Variants in TDRD1 observed in about 807,000 individuals in gnomAD.
The protein encoded by TDRD1 is tudor domain containing 1, also known as tudor domain-containing protein 1.
A neutral mutation model predicts 140.6 loss-of-function variants in TDRD1; 37 were observed. That is an observed-to-expected ratio of 0.26 (90% CI 0.20 to 0.35). The LOEUF (loss-of-function observed/expected upper bound fraction) is 0.35, where lower values mean the gene tolerates loss of function less well. Among genes scored for constraint, TDRD1 ranks in the 10% least tolerant of loss-of-function variants. The pLI is 1.00. For missense variants in TDRD1, 1,243 were observed against 1,393.0 expected (o/e 0.89, Z 1.71); for synonymous variants, 506 against 475.7 (o/e 1.06, Z -0.83).
chr10:114,183,164 C>T (rs992642486), intron 1 of TDRD1, among the ~76,000 whole-genome samples: 2 of 152,018 alleles, frequency 1.3e-5, no homozygotes, highest in African/African-American at 4.8e-5. Context: ...GGTATTGAGG[C>T]GCTGACTGTA....
intron 16 of TDRD1, among the ~76,000 whole-genome samples, 180 bp downstream of exon 16, chr10:114,214,294 T>TGGC (rs2035672164): frequency 6.6e-6 from 1 of 152,260 alleles, no homozygotes; most frequent in Non-Finnish European, 1.5e-5. Flanking sequence ...TAAGCCATTA[T>TGGC]TTCTATTTTC....
At chr10:114,188,217 A>C in intron 2 of TDRD1, 61 bp downstream of exon 2, 1 of 1,446,112 alleles carries the variant, frequency 6.9e-7, no homozygotes, top group Admixed American at 2.3e-5. Context: ...ACTTACCAGA[A>C]GTATATATAA....
intron 21 of TDRD1, among the ~76,000 whole-genome samples, chr10:114,225,346 C>T (rs150084383): frequency 1.3e-5 from 2 of 152,148 alleles, no homozygotes; most frequent in Non-Finnish European, 2.9e-5. Flanking sequence ...CCAACTCCAT[C>T]TTAACTCCTG....
intron 18 of TDRD1, among the ~76,000 whole-genome samples, chr10:114,219,183 G>A (rs1008529990): frequency 6.6e-6 from 1 of 152,150 alleles, no homozygotes; most frequent in South Asian, 2.1e-4. Context: ...GAAGAAAACA[G>A]GTTATAAAAG....
Position 114,223,752 on chromosome 10 carries a change from G to A in TDRD1, c.3007+1049G>A, listed in dbSNP as rs562856244. ...TACCTTCTCTTTTGCCACTTTTGTC[G>A]TTGTTAGTGTTCTATAGACTGTCAC... On this transcript the variant is annotated intron_variant, in intron 21 of 25. Transcript: ENST00000251864. Among the ~76,000 whole-genome samples, 12 of 152,198 alleles carry A rather than the reference G, an allele frequency of 7.9e-5. No homozygotes were observed. The East Asian group carries it at 9.7e-4, about 12-fold the overall frequency.
intron 10 of TDRD1, among the ~76,000 whole-genome samples, chr10:114,205,634 G>A (rs1385124113): frequency 1.3e-5 from 2 of 152,076 alleles, no homozygotes; most frequent in East Asian, 1.9e-4. Flanking sequence ...CAAATCTTTC[G>A]TGTTCTTCAG....
chr10:114,211,031 T>C (rs2035449819), intron 13 of TDRD1, 64 bp downstream of exon 13: 3 of 1,303,040 alleles, frequency 2.3e-6, no homozygotes. Flanking sequence ...TAGAATTGAG[T>C]AAAAACCATT....
upstream of TDRD1, among the ~76,000 whole-genome samples, chr10:114,176,697 C>A (rs1467515985): frequency 1.3e-5 from 2 of 152,168 alleles, no homozygotes; most frequent in Non-Finnish European, 2.9e-5. The surrounding 1 kb of genome is among the most constrained non-coding windows in gnomAD (Gnocchi z 4.2). Context: ...TGGCTTGAGT[C>A]CAGCAGTTCA....
rs185672953 is a variant in TDRD1 at position 114,207,796 on chromosome 10, C to G, written c.1384+1466C>G. On this transcript the variant is annotated intron_variant, in intron 11 of 25. Coordinates refer to ENST00000251864, the Ensembl canonical transcript of TDRD1. ...GGGGAGTCATCAGTAATATCAGATG[C>G]TATGAAGGTATCCAGTGGAAGGAAC... 1.5e-3 allele frequency among the ~76,000 whole-genome samples: 229 copies of G among 152,082 alleles called. 2 individuals carry two copies. Among genetic ancestry groups the G allele is most frequent in the Non-Finnish European group, 2.6e-3 (180 of 68,012 alleles).
intron 19 of TDRD1, 144 bp downstream of exon 19, chr10:114,220,987 T>C (rs1371262413): frequency 3.3e-6 from 2 of 605,450 alleles, no homozygotes; most frequent in South Asian, 2.2e-5. Flanking sequence ...TGTATTATTA[T>C]TAAATTATTG....
At chr10:114,227,232 T>C (rs143288466) in exon 23 of TDRD1, 227 of 1,614,110 alleles carry the variant, frequency 1.4e-4, no homozygotes, top group Admixed American at 3.2e-4. Context: ...TCGATGTAGC[T>C]GATAAGCTAG....
chr10:114,232,496 T>G (rs1449382934), downstream of TDRD1, among the ~76,000 whole-genome samples: 1 of 149,288 alleles, frequency 6.7e-6, no homozygotes, highest in African/African-American at 2.5e-5. Flanking sequence ...CAGCAGATAC[T>G]TGAAAGACTT....
chr10:114,192,620 A>T (rs1397438581), intron 3 of TDRD1, among the ~76,000 whole-genome samples: 1 of 151,972 alleles, frequency 6.6e-6, no homozygotes, highest in African/African-American at 2.4e-5. Context: ...CTTACATTTA[A>T]GTTTTGATCC....
intron 11 of TDRD1, among the ~76,000 whole-genome samples, chr10:114,207,447 A>G (rs763423710): frequency 1.3e-5 from 2 of 152,178 alleles, no homozygotes; most frequent in African/African-American, 4.8e-5. Context: ...TTCATGGACA[A>G]TTGAAACAAT....
intron 4 of TDRD1, 99 bp from the exon 5 acceptor site, chr10:114,201,311 A>G (rs1219754793): frequency 7.4e-6 from 7 of 945,640 alleles, no homozygotes; most frequent in Non-Finnish European, 1.2e-5. Flanking sequence ...AAATAGCACA[A>G]TTCTCTTGCC....
At chr10:114,220,265 A>G (rs907515909) in intron 18 of TDRD1, among the ~76,000 whole-genome samples, 6 of 152,238 alleles carry the variant, frequency 3.9e-5, no homozygotes, top group African/African-American at 1.2e-4. Flanking sequence ...TAACTCATAC[A>G]TAACAGAACA....
intron 20 of TDRD1, 31 bp downstream of exon 20, chr10:114,221,507 G>C (rs1350579765): frequency 6.2e-7 from 1 of 1,601,836 alleles, no homozygotes; most frequent in African/African-American, 1.3e-5. Context: ...ACATATTTAT[G>C]CTCATCTTTT....
At chr10:114,213,753 A>C (rs1190588640) in intron 15 of TDRD1, among the ~76,000 whole-genome samples, 165 bp downstream of exon 15, 2 of 152,226 alleles carry the variant, frequency 1.3e-5, no homozygotes, top group African/African-American at 4.8e-5. Context: ...ATAAAATTTT[A>C]TGGGGAGTTT....
rs1212661253 is a variant in TDRD1, at chr10:114,220,555, C to A, written c.2495-13C>A. The A allele has an allele frequency of 6.2e-7, 1 of 1,600,928 alleles. No individual in the cohort carries two copies. The highest frequency in any genetic ancestry group is 1.7e-5 in the Admixed American group (1 of 59,538). ...TTCATAGGATTCTTTTTACTGCTGT[C>A]CTTATTTTCTAGATATACAGTCTAG... is the stretch of plus-strand genomic sequence containing the variant. On this transcript the variant is annotated splice_polypyrimidine_tract_variant and intron_variant, in intron 18 of 25. Coordinates refer to ENST00000251864, the Ensembl canonical transcript of TDRD1.
Sources: allele counts gnomAD v4.1 joint callset (sites outside exome capture counted in the v4.1 genomes callset), GRCh38; gene constraint gnomAD v4.1.1; non-coding constraint Gnocchi (gnomAD v3.1); transcripts MANE v1.5; gene names NCBI Gene and HGNC (gene_info 2026-07-23, HGNC 2026-07-21).